DIAPH3: variants seen among roughly 807,000 people sequenced by gnomAD.
The protein encoded by DIAPH3 is protein diaphanous homolog 3.
Under a neutral mutation model 144.3 loss-of-function variants are expected in DIAPH3, and 117 were observed. That is an observed-to-expected ratio of 0.81 (90% CI 0.70 to 0.95). The LOEUF (loss-of-function observed/expected upper bound fraction) is 0.95. Ranked by LOEUF, DIAPH3 falls within the 40% of genes least tolerant of loss-of-function variation. The probability of loss-of-function intolerance (pLI) is 0.00; values close to 1 mark genes in which losing one functional copy is unlikely to be tolerated. For missense variants in DIAPH3, 1,421 were observed against 1,412.7 expected, an observed-to-expected ratio of 1.01 and a Z score of -0.09; for synonymous variants, 519 against 488.9, an observed-to-expected ratio of 1.06 and a Z score of -0.81.
At chr13:59,742,676 G>GA (rs1256028364) in intron 27 of DIAPH3, among the ~76,000 whole-genome samples, 1 of 150,788 alleles carries the variant, frequency 6.6e-6, no homozygotes, top group Non-Finnish European at 1.5e-5. Flanking sequence ...AGGAAAGGAA[G>GA]AAAGGAAGGA....
At chr13:59,829,047 T>C (rs777037363) in intron 24 of DIAPH3, among the ~76,000 whole-genome samples, 4 of 151,930 alleles carry the variant, frequency 2.6e-5, no homozygotes, top group Non-Finnish European at 5.9e-5. Flanking sequence ...TCTTTAGCTA[T>C]TGTAACAAGG....
intron 27 of DIAPH3, among the ~76,000 whole-genome samples, chr13:59,738,331 G>A (rs2036268358): frequency 6.6e-6 from 1 of 152,182 alleles, no homozygotes; most frequent in East Asian, 1.9e-4. Flanking sequence ...GCAAGAGGGT[G>A]GGGGTGAATG....
At chr13:59,901,957 A>G (rs1042704893) in intron 20 of DIAPH3, among the ~76,000 whole-genome samples, 1 of 152,150 alleles carries the variant, frequency 6.6e-6, no homozygotes, top group Admixed American at 6.5e-5. Flanking sequence ...AGCCACCCGA[A>G]TCATCTAATG....
chr13:59,999,478 G>A (rs1208131318), intron 9 of DIAPH3, among the ~76,000 whole-genome samples: 1 of 151,960 alleles, frequency 6.6e-6, no homozygotes, highest in East Asian at 1.9e-4. Context: ...CTTTGCAGCA[G>A]CCATAACAAT....
intron 17 of DIAPH3, among the ~76,000 whole-genome samples, chr13:59,942,041 C>T (rs1343271791): frequency 6.6e-6 from 1 of 152,150 alleles, no homozygotes; most frequent in African/African-American, 2.4e-5. Flanking sequence ...CAGCTTTTCA[C>T]AAGCTGCTCC....
intron 27 of DIAPH3, among the ~76,000 whole-genome samples, chr13:59,714,176 C>CA (rs1485760167): frequency 1.3e-5 from 2 of 151,562 alleles, no homozygotes; most frequent in African/African-American, 2.4e-5. Context: ...CCGGCTAACA[C>CA]GGTGAAACCC....
rs1003105 is a variant in DIAPH3 at position 59,983,977 on chromosome 13, T to A, written c.1362-90A>T. ...CTTTTTGGCTAAGATTGATTTCAAG[T>A]TCAACAATTTATTAGTAATATAATT... is the stretch of plus-strand genomic sequence containing the variant. On this transcript the variant is annotated intron_variant, in intron 12 of 27. Coordinates refer to ENST00000400324, the MANE Select transcript of DIAPH3 (RefSeq NM_001042517.2). 2.9e-3 allele frequency: 2,341 copies of A among 809,792 alleles called. 48 individuals carry two copies. The South Asian group carries it at 0.032, about 11-fold the overall frequency. 50.2% of individuals were successfully genotyped at this position (809,792 alleles called of 1,614,324 possible).
intron 25 of DIAPH3, among the ~76,000 whole-genome samples, chr13:59,798,450 G>T (rs1291961071): frequency 6.6e-5 from 10 of 152,118 alleles, no homozygotes; most frequent in Admixed American, 6.5e-4. Context: ...TACATTACTG[G>T]TTAGTCCATA....
rs1215726945 is a variant in DIAPH3 at position 59,829,023 on chromosome 13, GA to G, written c.3027+4083del. Among the ~76,000 whole-genome samples the G allele has an allele frequency of 6.6e-5, 10 of 151,996 alleles. No individual in the cohort carries two copies. In the South Asian group the frequency reaches 1.9e-3, roughly 28 times the overall value. On this transcript the variant is annotated intron_variant, in intron 24 of 27. Coordinates refer to ENST00000400324, the MANE Select transcript of DIAPH3 (RefSeq NM_001042517.2). Reference sequence around the variant, plus strand: ...CTACATGGCTTGAGGCAGCAGTCTGGAACAGATATTCCTTCTTTAGCTATTG... The same window carrying G: ...CTACATGGCTTGAGGCAGCAGTCTGGACAGATATTCCTTCTTTAGCTATTG...
At chr13:59,865,231 AT>A (rs543235128) in intron 21 of DIAPH3, among the ~76,000 whole-genome samples, 3 of 151,830 alleles carry the variant, frequency 2.0e-5, no homozygotes, top group Non-Finnish European at 4.4e-5. Context: ...TTTGCTCAAT[AT>A]TTTTTTCATT....
chr13:60,093,096 G>A (rs1190977384), intron 4 of DIAPH3, among the ~76,000 whole-genome samples: 1 of 152,122 alleles, frequency 6.6e-6, no homozygotes, highest in Non-Finnish European at 1.5e-5. Flanking sequence ...TGGTTTCTTA[G>A]ACATTTAGTC....
chr13:59,859,170 C>A (rs533294356), intron 22 of DIAPH3, among the ~76,000 whole-genome samples: 1 of 152,130 alleles, frequency 6.6e-6, no homozygotes, highest in East Asian at 1.9e-4. Context: ...TTAACAATCA[C>A]CTATACTATA....
At chr13:59,839,149 T>C (rs1566392566) in intron 23 of DIAPH3, 175 bp downstream of exon 23, 1 of 613,766 alleles carries the variant, frequency 1.6e-6, no homozygotes, top group South Asian at 1.9e-5. Context: ...CATTTGTGTA[T>C]TATTCATGAT....
At chr13:59,761,774 T>G (rs1279591424) in intron 27 of DIAPH3, among the ~76,000 whole-genome samples, 2 of 152,126 alleles carry the variant, frequency 1.3e-5, no homozygotes, top group Non-Finnish European at 2.9e-5. Context: ...GGTTTATATA[T>G]AGCATTGGAA....
intron 24 of DIAPH3, among the ~76,000 whole-genome samples, chr13:59,828,988 C>T (rs1281206341): frequency 6.6e-6 from 1 of 151,730 alleles, no homozygotes; most frequent in Non-Finnish European, 1.5e-5. Flanking sequence ...TGAAACTTTT[C>T]CCCCTTGTTC....
At chr13:59,763,912 C>T (rs887878893) in intron 27 of DIAPH3, among the ~76,000 whole-genome samples, 1 of 152,008 alleles carries the variant, frequency 6.6e-6, no homozygotes, top group Admixed American at 6.6e-5. Flanking sequence ...TAATGGGTTT[C>T]TCTGTGTAAT....
chr13:60,118,725 C>A (rs2058759356), intron 2 of DIAPH3, among the ~76,000 whole-genome samples: 1 of 152,204 alleles, frequency 6.6e-6, no homozygotes, highest in South Asian at 2.1e-4. Flanking sequence ...CCTGTCCAGC[C>A]ACTTGCTTAG....
chr13:60,008,007 C>T (rs974780370), intron 9 of DIAPH3, among the ~76,000 whole-genome samples: 10 of 152,022 alleles, frequency 6.6e-5, no homozygotes, highest in East Asian at 1.9e-4. Flanking sequence ...TTCTACTACA[C>T]GAAAAGCAAC....
At chr13:60,151,094 A>C (rs1419965509) in intron 1 of DIAPH3, among the ~76,000 whole-genome samples, 1 of 152,136 alleles carries the variant, frequency 6.6e-6, no homozygotes, top group Non-Finnish European at 1.5e-5. Context: ...CCAGGAAAAA[A>C]AAAAAAAAAA....
Sources: allele counts gnomAD v4.1 joint callset (sites outside exome capture counted in the v4.1 genomes callset), GRCh38; gene constraint gnomAD v4.1.1; transcripts MANE v1.5; gene names NCBI Gene and HGNC (gene_info 2026-07-23, HGNC 2026-07-21).